The following IL1RAPL2 variants were observed in gnomAD, a reference collection of about 807,000 sequenced individuals.
IL1RAPL2 encodes interleukin 1 receptor accessory protein like 2.
In IL1RAPL2, 3 loss-of-function variants were observed where a neutral mutation model predicts 44.1. The observed-to-expected ratio is 0.07, with a 90% CI of 0.03 to 0.18. IL1RAPL2 has a LOEUF of 0.18. Among genes scored for constraint, IL1RAPL2 ranks in the 10% least tolerant of loss-of-function variants. The probability of loss-of-function intolerance (pLI) is 1.00; values close to 1 mark genes in which losing one functional copy is unlikely to be tolerated. For missense variants in IL1RAPL2, 391 were observed against 496.4 expected, an observed-to-expected ratio of 0.79 and a Z score of 2.02; for synonymous variants, 181 against 178.8, an observed-to-expected ratio of 1.01 and a Z score of -0.10.
intron 2 of IL1RAPL2, among the ~76,000 whole-genome samples, chrX:104,897,179 GTTA>G (rs1462582106): frequency 8.9e-6 from 1 of 112,121 alleles, no homozygotes; most frequent in Non-Finnish European, 1.9e-5. Flanking sequence ...ATCACAGGCA[GTTA>G]TTATCAGATG....
At chrX:105,425,182 C>A (rs2147747697) in intron 5 of IL1RAPL2, among the ~76,000 whole-genome samples, 1 of 111,390 alleles carries the variant, frequency 9.0e-6, no homozygotes, top group East Asian at 2.8e-4. Context: ...TCTGACTAAA[C>A]CTTGGAAGGG....
chrX:104,905,406 A>G (rs1292268916), intron 2 of IL1RAPL2, among the ~76,000 whole-genome samples: 23 of 111,504 alleles, frequency 2.1e-4, no homozygotes, highest in Admixed American at 1.7e-3. Flanking sequence ...GGTAATGCCT[A>G]GGTTTTCTTC....
At chrX:104,964,309 TTTA>T (rs1168122643) in intron 2 of IL1RAPL2, among the ~76,000 whole-genome samples, 1 of 81,825 alleles carries the variant, frequency 1.2e-5, no homozygotes, top group African/African-American at 3.9e-5. Context: ...TATTTATTTA[TTTA>T]TTTATTTTAT....
chrX:104,901,281 G>A (rs755551081), intron 2 of IL1RAPL2, among the ~76,000 whole-genome samples: 17 of 85,716 alleles, frequency 2.0e-4, no homozygotes, highest in Non-Finnish European at 2.7e-4. Context: ...TGTGATCTCC[G>A]CTCACTGCAA....
At chrX:105,585,638 G>A (rs2147816203) in intron 6 of IL1RAPL2, among the ~76,000 whole-genome samples, 1 of 111,395 alleles carries the variant, frequency 9.0e-6, no homozygotes, top group Non-Finnish European at 1.9e-5. Flanking sequence ...TCTGGCATTA[G>A]TTTGCTGAGG....
At chrX:104,852,081 T>A (rs1386866240) in intron 2 of IL1RAPL2, among the ~76,000 whole-genome samples, 1 of 111,182 alleles carries the variant, frequency 9.0e-6, no homozygotes, top group Admixed American at 9.6e-5. Flanking sequence ...ATCCAAACCA[T>A]AGCAACACCA....
chrX:105,234,806 T>TA (rs368688495), intron 4 of IL1RAPL2, among the ~76,000 whole-genome samples: 4,534 of 65,843 alleles, frequency 0.069, 133 homozygotes, highest in Non-Finnish European at 0.086. Flanking sequence ...AGACTCCATC[T>TA]AAAAAAAAAA....
chrX:104,861,507 T>C (rs1488312185), intron 2 of IL1RAPL2, among the ~76,000 whole-genome samples: 1 of 111,637 alleles, frequency 9.0e-6, no homozygotes, highest in Non-Finnish European at 1.9e-5. Flanking sequence ...TACACGCCTC[T>C]ACTTATACTC....
At chrX:105,343,291 G>T (rs2035085445) in intron 5 of IL1RAPL2, among the ~76,000 whole-genome samples, 1 of 111,934 alleles carries the variant, frequency 8.9e-6, no homozygotes, top group Non-Finnish European at 1.9e-5. Context: ...AAGCTACATT[G>T]TAAATATTTG....
intron 6 of IL1RAPL2, among the ~76,000 whole-genome samples, chrX:105,665,960 C>A (rs1418865765): frequency 1.0e-4 from 11 of 108,562 alleles, no homozygotes; most frequent in African/African-American, 3.7e-4. Flanking sequence ...GACGGGGTTT[C>A]ACCGTCTTAA....
At chrX:104,980,345 A>T (rs2030414279) in intron 2 of IL1RAPL2, among the ~76,000 whole-genome samples, 2 of 111,525 alleles carry the variant, frequency 1.8e-5, no homozygotes, top group African/African-American at 6.5e-5. Context: ...TGGGTAATGA[A>T]CTTTTTGAGT....
chrX:105,617,642 TCTGACAGG>T (rs770670827), intron 6 of IL1RAPL2, among the ~76,000 whole-genome samples: 1 of 112,183 alleles, frequency 8.9e-6, no homozygotes, highest in Non-Finnish European at 1.9e-5. Context: ...ACATAATTTT[TCTGACAGG>T]CTGACAGGCT....
In IL1RAPL2 at chrX:105,029,724, A is replaced by G. The variant is rs758970944; in HGVS notation, c.83-165751A>G. On this transcript the variant is annotated intron_variant, in intron 2 of 10. Coordinates refer to ENST00000372582, the MANE Select transcript of IL1RAPL2 (RefSeq NM_017416.2). ...CCGCAATAAACATACGTGTGCATGT[A>G]TCTTTATAGCAGCATGATTTATAAT... is the stretch of plus-strand genomic sequence containing the variant. Among the ~76,000 whole-genome samples, 778 of 110,403 alleles carry G rather than the reference A, an allele frequency of 7.0e-3. 9 individuals carry two copies. Among genetic ancestry groups the G allele is most frequent in the African/African-American group, 0.024 (742 of 30,296 alleles).
intron 5 of IL1RAPL2, among the ~76,000 whole-genome samples, chrX:105,481,079 G>A (rs758041694): frequency 8.9e-6 from 1 of 111,847 alleles, no homozygotes; most frequent in East Asian, 2.8e-4. Flanking sequence ...GTTTCAACTG[G>A]CTGTTTGCCA....
chrX:105,219,570 C>G (rs782810571), intron 3 of IL1RAPL2: 32 of 1,207,303 alleles, frequency 2.7e-5, no homozygotes, highest in Non-Finnish European at 3.5e-5. Context: ...GAGCCATGGC[C>G]TCCACAGGGG....
At chrX:105,381,034 G>A (rs764506263) in intron 5 of IL1RAPL2, among the ~76,000 whole-genome samples, 2 of 110,930 alleles carry the variant, frequency 1.8e-5, no homozygotes, top group Non-Finnish European at 3.8e-5. Flanking sequence ...GCTAGTCTAG[G>A]AAGTGACAGA....
chrX:105,729,876 AGAAGGAAGGAAGGAAGGAAGGAAG>A (rs768197336), intron 7 of IL1RAPL2, among the ~76,000 whole-genome samples: 1 of 51,259 alleles, frequency 2.0e-5, no homozygotes, highest in Admixed American at 2.0e-4. Flanking sequence ...AAGGAAGGAA[AGAAGGAAGGAAGGAAGGAAGGAAG>A]GAAGGAAGGA....
intron 2 of IL1RAPL2, among the ~76,000 whole-genome samples, chrX:105,136,061 C>T (rs374129961): frequency 2.7e-5 from 3 of 111,735 alleles, no homozygotes; most frequent in African/African-American, 9.7e-5. Flanking sequence ...CCCAATAAAG[C>T]GTGGGATGAA....
At chrX:105,402,746 A>G (rs1214117593) in intron 5 of IL1RAPL2, among the ~76,000 whole-genome samples, 2 of 111,690 alleles carry the variant, frequency 1.8e-5, no homozygotes, top group South Asian at 3.7e-4. Flanking sequence ...TACAGTAGGT[A>G]ACAGTATGCC....
Sources: gnomAD v4.1 joint callset for allele counts (sites outside exome capture counted in the v4.1 genomes callset) on GRCh38, gnomAD v4.1.1 for gene constraint, MANE v1.5 for transcripts, NCBI Gene and HGNC (gene_info 2026-07-23, HGNC 2026-07-21) for gene names.